The following MDGA2 variants were observed in gnomAD, a reference collection of about 807,000 sequenced individuals.
MDGA2 encodes the protein MAM domain-containing glycosylphosphatidylinositol anchor protein 2.
MDGA2 carries 40 observed loss-of-function variants against 117.8 expected under a neutral mutation model. The ratio of observed to expected loss-of-function variants is 0.34; its 90% CI spans 0.26 to 0.44. MDGA2 has a LOEUF of 0.44. Among genes scored for constraint, MDGA2 ranks in the 20% least tolerant of loss-of-function variants. The probability of loss-of-function intolerance (pLI) is 1.00; values close to 1 mark genes in which losing one functional copy is unlikely to be tolerated. For missense variants in MDGA2, 1,123 were observed against 1,250.6 expected (o/e 0.90, Z 1.54); for synonymous variants, 452 against 439.0 (o/e 1.03, Z -0.37).
At chr14:47,147,755 C>T (rs567632551) in intron 3 of MDGA2, among the ~76,000 whole-genome samples, 1 of 152,236 alleles carries the variant, frequency 6.6e-6, no homozygotes, top group Non-Finnish European at 1.5e-5. Context: ...AAAAGCTATT[C>T]CAAGACTCTG....
intron 3 of MDGA2, among the ~76,000 whole-genome samples, chr14:47,179,811 T>A (rs1884626742): frequency 6.6e-6 from 1 of 152,150 alleles, no homozygotes; most frequent in Non-Finnish European, 1.5e-5. Flanking sequence ...ACTCACAGAT[T>A]CATGATACTG....
At chr14:47,422,839 T>C (rs145380212) in intron 1 of MDGA2, among the ~76,000 whole-genome samples, 42 of 152,260 alleles carry the variant, frequency 2.8e-4, no homozygotes, top group African/African-American at 8.9e-4. Context: ...AAGTATAGAG[T>C]TAACATTCTG....
At chr14:47,437,641 C>A (rs1329542081) in intron 1 of MDGA2, among the ~76,000 whole-genome samples, 1 of 152,162 alleles carries the variant, frequency 6.6e-6, no homozygotes, top group East Asian at 1.9e-4. Flanking sequence ...TAGGAAGTTA[C>A]TGTGTGAAAC....
chr14:46,900,698 T>C (rs1883251233), intron 10 of MDGA2, among the ~76,000 whole-genome samples: 1 of 152,110 alleles, frequency 6.6e-6, no homozygotes, highest in South Asian at 2.1e-4. Context: ...TTTCCAGGGA[T>C]AAGGGATATA....
At position 46,840,495 on chromosome 14, in the gene MDGA2, A is replaced by G. The variant is rs1657875585; in HGVS notation, c.*1436T>C. On this transcript the variant is annotated 3_prime_UTR_variant, in exon 17 of 17. Coordinates refer to ENST00000399232, the MANE Select transcript of MDGA2 (RefSeq NM_001113498.3). ...ATGATTTGTCGTCAGGTAGCTCAAA[A>G]TTATTTTTACAGGTTTTTGTTTTTT... is the stretch of plus-strand genomic sequence containing the variant. 1 of 152,540 alleles carries G rather than the reference A, an allele frequency of 6.6e-6. No homozygotes were observed. Among genetic ancestry groups the G allele is most frequent in the South Asian group, 2.1e-4 (1 of 4,830 alleles). 9.4% of individuals were successfully genotyped at this position (152,540 alleles called of 1,614,324 possible). A position where few individuals can be genotyped will look rare whatever the true frequency, so the allele number is the denominator to read the frequency against.
chr14:47,590,717 A>T (rs1896421028), intron 1 of MDGA2, among the ~76,000 whole-genome samples: 1 of 152,004 alleles, frequency 6.6e-6, no homozygotes, highest in Non-Finnish European at 1.5e-5. Context: ...GGCTGATGTG[A>T]TTATTGTACA....
intron 1 of MDGA2, among the ~76,000 whole-genome samples, chr14:47,584,238 A>G (rs1896279938): frequency 6.6e-6 from 1 of 151,888 alleles, no homozygotes; most frequent in Non-Finnish European, 1.5e-5. Flanking sequence ...TACTGAGGAT[A>G]CAAATGTGAA....
chr14:46,907,558 T>C (rs1883545924), intron 10 of MDGA2, among the ~76,000 whole-genome samples: 1 of 152,172 alleles, frequency 6.6e-6, no homozygotes, highest in African/African-American at 2.4e-5. Flanking sequence ...ATTATACATA[T>C]GTATTTGATT....
intron 6 of MDGA2, among the ~76,000 whole-genome samples, chr14:47,067,181 A>G (rs564769249): frequency 6.6e-5 from 10 of 152,288 alleles, no homozygotes; most frequent in South Asian, 2.1e-4. Context: ...TATATGAAAA[A>G]AAGTTCGTAT....
At chr14:47,393,872 T>C (rs1278316675) in intron 1 of MDGA2, among the ~76,000 whole-genome samples, 1 of 151,636 alleles carries the variant, frequency 6.6e-6, no homozygotes, top group African/African-American at 2.4e-5. Flanking sequence ...TAAGGTTTTC[T>C]TGGAAAACCT....
At chr14:47,447,890 G>A (rs867449522) in intron 1 of MDGA2, among the ~76,000 whole-genome samples, 1 of 152,082 alleles carries the variant, frequency 6.6e-6, no homozygotes, top group Non-Finnish European at 1.5e-5. Flanking sequence ...GAGGATATGT[G>A]GTAAAATAAG....
intron 8 of MDGA2, among the ~76,000 whole-genome samples, chr14:46,990,587 T>G (rs1887050789): frequency 6.6e-6 from 1 of 152,012 alleles, no homozygotes; most frequent in Non-Finnish European, 1.5e-5. Context: ...TCTCCTTTTA[T>G]TTTTGAGGTT....
intron 1 of MDGA2, among the ~76,000 whole-genome samples, chr14:47,650,068 G>T (rs1048902706): frequency 6.6e-6 from 1 of 152,020 alleles, no homozygotes; most frequent in African/African-American, 2.4e-5. Flanking sequence ...AATGTGGGTG[G>T]GCCTCATCCA....
chr14:47,316,525 A>C (rs1455156251), intron 1 of MDGA2, among the ~76,000 whole-genome samples: 1 of 152,018 alleles, frequency 6.6e-6, no homozygotes, highest in African/African-American at 2.4e-5. Context: ...ATGGAAAATA[A>C]CTTGTTTAAT....
At chr14:47,556,557 C>G (rs1266133574) in intron 1 of MDGA2, among the ~76,000 whole-genome samples, 2 of 152,168 alleles carry the variant, frequency 1.3e-5, no homozygotes, top group African/African-American at 4.8e-5. Context: ...AACAGAGAAA[C>G]TAGATTATGT....
At chr14:46,979,790 AT>A (rs1484191628) in intron 8 of MDGA2, among the ~76,000 whole-genome samples, 1 of 152,228 alleles carries the variant, frequency 6.6e-6, no homozygotes, top group African/African-American at 2.4e-5. Flanking sequence ...GTAAGAAGCC[AT>A]CATGATAACT....
intron 10 of MDGA2, among the ~76,000 whole-genome samples, chr14:46,909,740 A>G (rs1284782083): frequency 6.6e-6 from 1 of 152,180 alleles, no homozygotes; most frequent in African/African-American, 2.4e-5. Flanking sequence ...ACCTTATATT[A>G]TAGCATAAAC....
intron 3 of MDGA2, among the ~76,000 whole-genome samples, chr14:47,203,225 A>C (rs916539034): frequency 1.3e-5 from 2 of 151,950 alleles, no homozygotes; most frequent in Admixed American, 6.6e-5. Flanking sequence ...TCACTCTTTA[A>C]AAATACATTT....
chr14:47,536,645 T>C (rs990365911), intron 1 of MDGA2, among the ~76,000 whole-genome samples: 1 of 152,198 alleles, frequency 6.6e-6, no homozygotes, highest in South Asian at 2.1e-4. Context: ...GAAGTGAAAA[T>C]TATCCAGCAA....
Sources: gnomAD v4.1 joint callset for allele counts (sites outside exome capture counted in the v4.1 genomes callset) on GRCh38, gnomAD v4.1.1 for gene constraint, MANE v1.5 for transcripts, NCBI Gene and HGNC (gene_info 2026-07-23, HGNC 2026-07-21) for gene names.